The following CELSR1 variants were observed in gnomAD, a reference collection of about 807,000 sequenced individuals.
The protein encoded by CELSR1 is adhesion G protein-coupled receptor C1.
A neutral mutation model predicts 249.1 loss-of-function variants in CELSR1; 110 were observed. That is an observed-to-expected ratio of 0.44 (90% CI 0.38 to 0.52). The LOEUF (loss-of-function observed/expected upper bound fraction) is 0.52, where lower values mean the gene tolerates loss of function less well. Among genes scored for constraint, CELSR1 ranks in the 20% least tolerant of loss-of-function variants. The probability of loss-of-function intolerance (pLI) is 0.00; values close to 1 mark genes in which losing one functional copy is unlikely to be tolerated. For missense variants in CELSR1, 4,109 were observed against 4,296.4 expected (o/e 0.96, Z 1.22); for synonymous variants, 2,113 against 1,900.0 (o/e 1.11, Z -2.92).
intron 5 of CELSR1, among the ~76,000 whole-genome samples, chr22:46,424,563 C>T (rs2079516214): frequency 6.6e-6 from 1 of 152,126 alleles, no homozygotes; most frequent in African/African-American, 2.4e-5. Context: ...CAGAACGTTC[C>T]ATCACTACAA....
At chr22:46,481,241 TCA>T in intron 1 of CELSR1, 1 of 259,050 alleles carries the variant, frequency 3.9e-6, no homozygotes, top group Non-Finnish European at 6.8e-6. Flanking sequence ...AGACCATGTC[TCA>T]AAAAAAAAAA....
chr22:46,386,759 G>C (rs1272235514), intron 18 of CELSR1, among the ~76,000 whole-genome samples, 174 bp from the exon 19 acceptor site: 1 of 150,242 alleles, frequency 6.7e-6, no homozygotes, highest in Non-Finnish European at 1.5e-5. Context: ...GTTGTTTTTT[G>C]TGTTTTTTTT....
At chr22:46,450,944 G>A (rs1041744522) in intron 2 of CELSR1, among the ~76,000 whole-genome samples, 1 of 152,164 alleles carries the variant, frequency 6.6e-6, no homozygotes, top group African/African-American at 2.4e-5. Context: ...TGTGAGCTAC[G>A]CACCTGCGCA....
In CELSR1 at chr22:46,536,051, T is replaced by A. The variant is rs764217084; in HGVS notation, c.1120A>T (p.Thr374Ser). ...GAGTCGCGGTCGCTGGCGCGGATGG[T>A]CAGCACCTCGTAGCCCACCTCCAGG... ...ENLEVGYEVL[T>S]IRASDRDSPI... Residue 374 changes from threonine to serine, a missense_variant, in exon 1 of 35, where the codon ACC (threonine) becomes TCC (serine). Thr to Ser is a moderately conservative substitution (Grantham distance 58). This residue lies in a region of CELSR1 where 673 missense variants were observed against 636.8 expected (regional missense o/e 1.06). Transcript: ENST00000674500. 1.9e-6 allele frequency: 3 copies of A among 1,610,808 alleles called. No homozygotes were observed. Among genetic ancestry groups the A allele is most frequent in the Non-Finnish European group, 2.5e-6 (3 of 1,179,898 alleles).
chr22:46,492,953 T>C (rs1239452231), intron 1 of CELSR1, among the ~76,000 whole-genome samples: 2 of 152,114 alleles, frequency 1.3e-5, no homozygotes. Flanking sequence ...AGAAAAAGTA[T>C]GTAAGAGAAC....
At chr22:46,439,115 G>C in intron 3 of CELSR1, 74 bp downstream of exon 3, 2 of 1,379,162 alleles carry the variant, frequency 1.5e-6, no homozygotes, top group Admixed American at 1.8e-5. Flanking sequence ...ACGATCTAGA[G>C]GGATGGGGTG....
intron 1 of CELSR1, among the ~76,000 whole-genome samples, chr22:46,529,695 C>CA (rs1474553836): frequency 1.3e-5 from 2 of 151,514 alleles, no homozygotes; most frequent in Non-Finnish European, 2.9e-5. Context: ...CCAATGTACT[C>CA]AGGAGGCTGA....
In CELSR1 at chr22:46,537,100, A is replaced by G. The variant is rs1359799939; in HGVS notation, c.71T>C (p.Met24Thr). Reference sequence around the variant, plus strand: ...CTCCCAGGCGGCCGCTCGCAGCCCCATCGCCGGCAGGGCGGCGGCGGCGGC... The same window carrying G: ...CTCCCAGGCGGCCGCTCGCAGCCCCGTCGCCGGCAGGGCGGCGGCGGCGGC... The part of the protein sequence containing the change: ...LLAAAAALPA[M>T]GLRAAAWEPR... The change falls in exon 1 of 35, where the codon ATG (methionine) becomes ACG (threonine). Residue 24 changes from methionine to threonine, a missense_variant. Physicochemically the swap from Met to Thr is moderately conservative, Grantham distance 81 (BLOSUM62 -1). Around this residue, in one of 7 missense-constraint regions of CELSR1, gnomAD observed 673 missense variants for 636.8 expected, o/e 1.06. Transcript: ENST00000674500. The surrounding 1 kb of genome is among the most constrained non-coding windows in gnomAD (Gnocchi z 5.8). The G allele has an allele frequency of 9.4e-5, 98 of 1,040,904 alleles. No individual in the cohort carries two copies. Among genetic ancestry groups the G allele is most frequent in the Non-Finnish European group, 1.1e-4 (95 of 869,288 alleles). The allele number at this position is 1,040,904 out of a possible 1,614,324, so 64.5% of individuals were successfully genotyped here.
intron 5 of CELSR1, among the ~76,000 whole-genome samples, chr22:46,421,527 G>A (rs74694279): frequency 0.071 from 10,857 of 152,142 alleles, 1,252 homozygotes; most frequent in African/African-American, 0.24. Flanking sequence ...GACCAGGCCT[G>A]TGTTTGGGAA....
rs551785529 is a variant in CELSR1 at position 46,411,839 on chromosome 22, C to T, written c.4612-80G>A. On this transcript the variant is annotated intron_variant, in intron 5 of 34. Transcript: ENST00000674500. The surrounding 1 kb of genome is among the most constrained non-coding windows in gnomAD (Gnocchi z 4.2). ...GCAGGCGCACCTGTCACTCATAGAGCGAGGAGGACATGGCACAGGGTGGGC... is the reference window on the plus strand; with the variant it reads ...GCAGGCGCACCTGTCACTCATAGAGTGAGGAGGACATGGCACAGGGTGGGC... The T allele has an allele frequency of 1.3e-4, 204 of 1,574,710 alleles. 4 individuals are homozygous for T. The South Asian group carries it at 2.0e-3, about 16-fold the overall frequency.
rs2079548369 is a variant in CELSR1, at chr22:46,427,389, T to A, written c.4611+6004A>T. Among the ~76,000 whole-genome samples, 1 of 152,016 alleles carries A rather than the reference T, an allele frequency of 6.6e-6. No individual in the cohort carries two copies. On this transcript the variant is annotated intron_variant, in intron 5 of 34. Coordinates refer to ENST00000674500, the MANE Select transcript of CELSR1 (RefSeq NM_001378328.1). This position sits in a 1 kb window ranked among gnomAD's most constrained non-coding sequence, Gnocchi z 4.2. ...CAATCTCTACTAAAAGTACAAAAAT[T>A]AACCGGGTGTGGTGGCGCGCACCTG...
intron 24 of CELSR1, 123 bp from the exon 25 acceptor site, chr22:46,373,180 G>T: frequency 9.9e-7 from 1 of 1,015,158 alleles, no homozygotes; most frequent in Non-Finnish European, 1.4e-6. Context: ...TCTGTCCTCA[G>T]CTGAGCAGGG....
chr22:46,507,257 G>C (rs2080524060), intron 1 of CELSR1, among the ~76,000 whole-genome samples: 1 of 152,166 alleles, frequency 6.6e-6, no homozygotes, highest in South Asian at 2.1e-4. Flanking sequence ...AAGCACCCCA[G>C]AGAGAGCACA....
intron 1 of CELSR1, among the ~76,000 whole-genome samples, chr22:46,486,350 C>A (rs1602201533): frequency 6.6e-6 from 1 of 151,054 alleles, no homozygotes; most frequent in East Asian, 2.0e-4. Flanking sequence ...GAATTTGAGA[C>A]CAGACTGGCC....
Position 46,534,887 on chromosome 22 carries a change from C to T in CELSR1, c.2284G>A (p.Val762Met), listed in dbSNP as rs1005973712. ...YKQEQQYVLA[V>M]TASDGTRSHT... ...GACCGTGTGCCGTCGGATGCTGTCA[C>T]CGCCAGCACGTACTGCTGCTCCTGC... The change falls in exon 1 of 35, where the codon GTG (valine) becomes ATG (methionine). Residue 762 changes from valine (V) to methionine (M), a missense_variant. By Grantham distance (21) the Val-to-Met change is conservative. This residue lies in a region of CELSR1 where 886 missense variants were observed against 896.5 expected (regional missense o/e 0.99). Coordinates refer to ENST00000674500, the MANE Select transcript of CELSR1 (RefSeq NM_001378328.1). The surrounding 1 kb of genome is among the most constrained non-coding windows in gnomAD (Gnocchi z 9.7). 1.9e-6 allele frequency: 3 copies of T among 1,612,524 alleles called. No individual in the cohort carries two copies. Among genetic ancestry groups the T allele is most frequent in the African/African-American group, 1.3e-5 (1 of 74,908 alleles).
In CELSR1 at chr22:46,464,191, G is replaced by A. The variant is rs3747251; in HGVS notation, c.3699C>T (p.Ala1233=). The change falls in exon 2 of 35, where the codon GCC becomes GCT. Residue 1233 remains alanine (A), a synonymous_variant. Transcript: ENST00000674500. The surrounding 1 kb of genome is among the most constrained non-coding windows in gnomAD (Gnocchi z 8.5). ...LLALFVEGVA[A]VLSTTKDDVF... is the part of the protein sequence containing the mutation. ...CGTCGTCCTTGGTGGTGGACAGCAC[G>A]GCGGCCACCCCCTCCACGAAGAGGG... is the stretch of plus-strand genomic sequence containing the variant. The A allele has an allele frequency of 4.5e-5, 73 of 1,613,568 alleles. No homozygotes were observed. Among genetic ancestry groups the A allele is most frequent in the South Asian group, 2.3e-4 (21 of 91,074 alleles).
chr22:46,433,832 C>G lies in CELSR1; in HGVS notation c.4523-351G>C, dbSNP rs552819131. On this transcript the variant is annotated intron_variant, in intron 4 of 34. Transcript: ENST00000674500. This position sits in a 1 kb window ranked among gnomAD's most constrained non-coding sequence, Gnocchi z 5.7. Reference sequence around the variant, plus strand: ...CCTGAGTAGCTGGGATTACAGGCACCCACCACCACACCCGGCTAATTTTTG... The same window carrying G: ...CCTGAGTAGCTGGGATTACAGGCACGCACCACCACACCCGGCTAATTTTTG... Among the ~76,000 whole-genome samples the G allele has an allele frequency of 5.9e-5, 9 of 152,184 alleles. No individual in the cohort carries two copies. In the East Asian group the frequency reaches 1.5e-3, roughly 26 times the overall value.
chr22:46,467,595 G>A (rs949114506), intron 1 of CELSR1, among the ~76,000 whole-genome samples: 1 of 151,988 alleles, frequency 6.6e-6, no homozygotes, highest in Non-Finnish European at 1.5e-5. Context: ...GGCTGAGGCG[G>A]GCAGATCACA....
rs551700401 is a variant in CELSR1 at position 46,396,876 on chromosome 22, G to C, written c.5702-130C>G. ...GTACTCAGCAGAGGGAAGAGGAAGAGTGCCACAGAGTCCCCGAAAACACAG... is the reference window on the plus strand; with the variant it reads ...GTACTCAGCAGAGGGAAGAGGAAGACTGCCACAGAGTCCCCGAAAACACAG... On this transcript the variant is annotated intron_variant, in intron 12 of 34. Coordinates refer to ENST00000674500, the MANE Select transcript of CELSR1 (RefSeq NM_001378328.1). This position sits in a 1 kb window ranked among gnomAD's most constrained non-coding sequence, Gnocchi z 6.4. 2 of 1,238,720 alleles carry C rather than the reference G, an allele frequency of 1.6e-6. No individual in the cohort carries two copies. Among genetic ancestry groups the C allele is most frequent in the East Asian group, 5.2e-5 (2 of 38,576 alleles). 76.7% of individuals were successfully genotyped at this position (1,238,720 alleles called of 1,614,324 possible).
Sources: gnomAD v4.1 joint callset for allele counts (sites outside exome capture counted in the v4.1 genomes callset) on GRCh38, gnomAD v4.1.1 for gene constraint, gnomAD v4.1.1 regional missense constraint, Gnocchi (gnomAD v3.1) non-coding constraint, MANE v1.5 for transcripts, NCBI Gene and HGNC (gene_info 2026-07-23, HGNC 2026-07-21) for gene names.